GRID1: variants seen among roughly 807,000 people sequenced by gnomAD.
GRID1 encodes the protein glutamate ionotropic receptor delta type subunit 1.
GRID1 carries 28 observed loss-of-function variants against 98.0 expected under a neutral mutation model. The ratio of observed to expected loss-of-function variants is 0.29; its 90% confidence interval spans 0.21 to 0.39. The LOEUF is 0.39. GRID1 is among the 10% of genes least tolerant of loss of function. GRID1 has a pLI of 1.00. For synonymous variants in GRID1, 553 were observed against 538.5 expected, an observed-to-expected ratio of 1.03 and a Z score of -0.37; for missense variants, 1,111 against 1,340.5, an observed-to-expected ratio of 0.83 and a Z score of 2.67.
intron 2 of GRID1, among the ~76,000 whole-genome samples, chr10:86,339,221 C>T (rs1355400846): frequency 1.3e-5 from 2 of 152,222 alleles, no homozygotes; most frequent in Non-Finnish European, 2.9e-5. Flanking sequence ...CTAGGAGCCT[C>T]CCAGGAATCC....
At chr10:85,931,013 C>T (rs779461819) in intron 4 of GRID1, among the ~76,000 whole-genome samples, 6 of 151,968 alleles carry the variant, frequency 3.9e-5, no homozygotes, top group Non-Finnish European at 7.4e-5. Context: ...CTAATTTTTG[C>T]ATTTTTTGTA....
intron 4 of GRID1, among the ~76,000 whole-genome samples, chr10:86,089,694 A>G (rs891045500): frequency 6.6e-6 from 1 of 152,234 alleles, no homozygotes; most frequent in Non-Finnish European, 1.5e-5. Context: ...CCAAATGAAA[A>G]AAGAAAATCT....
intron 8 of GRID1, among the ~76,000 whole-genome samples, chr10:85,817,610 A>G (rs1379290380): frequency 6.7e-6 from 1 of 150,174 alleles, no homozygotes; most frequent in African/African-American, 2.5e-5. Context: ...TAAATTTCAG[A>G]AGGCCAGGTG....
chr10:85,816,855 T>A (rs1210941427), intron 8 of GRID1, among the ~76,000 whole-genome samples: 1 of 152,114 alleles, frequency 6.6e-6, no homozygotes. Context: ...TCTCCCTCCT[T>A]CCACTCTTCA....
intron 5 of GRID1, 58 bp from the exon 6 acceptor site, chr10:85,869,238 AC>A: frequency 6.7e-7 from 1 of 1,491,020 alleles, no homozygotes; most frequent in Non-Finnish European, 9.3e-7. Context: ...TCTGCAAGAG[AC>A]CTATCAGGAG....
chr10:86,362,514 G>T (rs1181854628), intron 2 of GRID1, among the ~76,000 whole-genome samples: 1 of 152,178 alleles, frequency 6.6e-6, no homozygotes, highest in African/African-American at 2.4e-5. Context: ...GGCAGTGTTA[G>T]CCTCACCCCC....
chr10:85,829,858 T>G (rs1194266536), intron 8 of GRID1, among the ~76,000 whole-genome samples: 3 of 152,104 alleles, frequency 2.0e-5, no homozygotes, highest in Admixed American at 6.5e-5. Context: ...TCAATATTGT[T>G]AAAATGGCCA....
At chr10:86,249,143 C>T (rs2814351) in intron 2 of GRID1, among the ~76,000 whole-genome samples, 124,276 of 152,186 alleles carry the variant, frequency 0.82, 51,568 homozygotes, top group Non-Finnish European at 0.87. Context: ...CTGACAGCCA[C>T]GATGCCTGGA....
At chr10:86,293,513 T>A (rs543940991) in intron 2 of GRID1, among the ~76,000 whole-genome samples, 2 of 152,250 alleles carry the variant, frequency 1.3e-5, no homozygotes, top group African/African-American at 4.8e-5. Flanking sequence ...GCCATTTACA[T>A]GTTAAAGACT....
chr10:86,059,962 T>C (rs1843626922), intron 4 of GRID1, among the ~76,000 whole-genome samples: 2 of 152,190 alleles, frequency 1.3e-5, no homozygotes, highest in African/African-American at 4.8e-5. Flanking sequence ...AGTGACAGCA[T>C]TTTACACAAA....
rs188080354 is a variant in GRID1 at position 85,616,305 on chromosome 10, C to T, written c.2361-2658G>A. On this transcript the variant is annotated intron_variant, in intron 14 of 15. Coordinates refer to ENST00000327946, the MANE Select transcript of GRID1 (RefSeq NM_017551.3). ...TAAAGCTCAGAATCTAGATGACTTG[C>T]CCACTGTTGTAATTAGAAAGTGGTG... is the stretch of plus-strand genomic sequence containing the variant. 9.1e-4 allele frequency among the ~76,000 whole-genome samples: 139 copies of T among 152,318 alleles called. 1 individual carries two copies. Among genetic ancestry groups the T allele is most frequent in the South Asian group, 1.9e-3 (9 of 4,822 alleles).
At chr10:86,094,314 C>G (rs945477333) in intron 4 of GRID1, among the ~76,000 whole-genome samples, 6 of 152,188 alleles carry the variant, frequency 3.9e-5, no homozygotes, top group African/African-American at 1.4e-4. Flanking sequence ...TCTCACCACT[C>G]CTTTTCAACG....
chr10:85,648,598 T>G (rs985689916), intron 12 of GRID1, among the ~76,000 whole-genome samples: 10 of 152,202 alleles, frequency 6.6e-5, no homozygotes, highest in African/African-American at 2.4e-4. Flanking sequence ...CATCTCTGGC[T>G]GTTCTCCCCA....
intron 5 of GRID1, among the ~76,000 whole-genome samples, chr10:85,877,050 G>C (rs867602152): frequency 5.3e-5 from 8 of 152,228 alleles, no homozygotes; most frequent in Admixed American, 2.6e-4. Flanking sequence ...CAGTAAGGCT[G>C]GGGGAGGGGC....
chr10:85,906,814 T>C (rs1841467645), intron 5 of GRID1, among the ~76,000 whole-genome samples: 1 of 150,880 alleles, frequency 6.6e-6, no homozygotes, highest in Non-Finnish European at 1.5e-5. Flanking sequence ...CCCTAGAAAC[T>C]AGGGGAAAAA....
intron 8 of GRID1, among the ~76,000 whole-genome samples, chr10:85,807,342 T>C (rs1382439614): frequency 2.0e-5 from 3 of 150,412 alleles, no homozygotes; most frequent in Non-Finnish European, 4.4e-5. Flanking sequence ...AGGGCAAGAT[T>C]CCATCTCCTC....
At chr10:85,689,217 C>A (rs1841305530) in intron 12 of GRID1, among the ~76,000 whole-genome samples, 1 of 152,092 alleles carries the variant, frequency 6.6e-6, no homozygotes, top group African/African-American at 2.4e-5. Flanking sequence ...TGTGCCATTT[C>A]TTTATAAGCA....
chr10:86,031,633 T>C (rs1843187103), intron 4 of GRID1, among the ~76,000 whole-genome samples: 1 of 151,794 alleles, frequency 6.6e-6, no homozygotes, highest in African/African-American at 2.4e-5. Context: ...CTGCCCCCCC[T>C]CATCAAAGCC....
intron 8 of GRID1, among the ~76,000 whole-genome samples, chr10:85,756,291 G>A (rs1016847927): frequency 4.6e-5 from 7 of 151,966 alleles, no homozygotes; most frequent in Non-Finnish European, 8.8e-5. Context: ...ATTCGTTCTC[G>A]CCGTAGATCT....
Sources: allele counts gnomAD v4.1 joint callset (sites outside exome capture counted in the v4.1 genomes callset), GRCh38; gene constraint gnomAD v4.1.1; transcripts MANE v1.5; gene names NCBI Gene and HGNC (gene_info 2026-07-23, HGNC 2026-07-21).